The following ANKFN1 variants were observed in gnomAD, a reference collection of about 807,000 sequenced individuals.
ANKFN1 encodes the protein ankyrin repeat and fibronectin type-III domain-containing protein 1.
In ANKFN1, 74 loss-of-function variants were observed where a neutral mutation model predicts 108.7. The ratio of observed to expected loss-of-function variants is 0.68; its 90% CI spans 0.56 to 0.83. The LOEUF (loss-of-function observed/expected upper bound fraction) is 0.83. Among genes scored for constraint, ANKFN1 ranks in the 40% least tolerant of loss-of-function variants. ANKFN1 has a pLI of 0.00. For synonymous variants in ANKFN1, 547 were observed against 516.2 expected (o/e 1.06, Z -0.81); for missense variants, 1,505 against 1,382.3 (o/e 1.09, Z -1.41).
intron 3 of ANKFN1, among the ~76,000 whole-genome samples, chr17:56,301,539 A>G (rs2044669688): frequency 6.6e-6 from 1 of 152,228 alleles, no homozygotes; most frequent in Non-Finnish European, 1.5e-5. Flanking sequence ...GCCAAAAGCT[A>G]GGGGAACACT....
chr17:56,061,265 C>CTTTTTTTTTTTTTTTTTTTTTTTT (rs71137190), intron 4 of ANKFN1, among the ~76,000 whole-genome samples: 1 of 72,912 alleles, frequency 1.4e-5, no homozygotes, highest in Non-Finnish European at 2.4e-5. Flanking sequence ...GGTAGTTTTT[C>CTTTTTTTTTTTTTTTTTTTTTTTT]TTTTTTTTTT....
chr17:56,157,489 G>A (rs960945422), intron 1 of ANKFN1, among the ~76,000 whole-genome samples: 1 of 152,202 alleles, frequency 6.6e-6, no homozygotes, highest in Non-Finnish European at 1.5e-5. Flanking sequence ...TATTCCCAGA[G>A]ACCACAGTTC....
intron 8 of ANKFN1, among the ~76,000 whole-genome samples, chr17:56,388,664 C>T (rs932700569): frequency 1.3e-5 from 2 of 152,102 alleles, no homozygotes; most frequent in African/African-American, 4.8e-5. Flanking sequence ...TCTCTAATTA[C>T]CTTTTTTCTC....
chr17:56,205,888 C>T (rs922138146), intron 1 of ANKFN1, among the ~76,000 whole-genome samples: 2 of 152,146 alleles, frequency 1.3e-5, no homozygotes, highest in Admixed American at 1.3e-4. Flanking sequence ...CCCTCCCCTA[C>T]AGGAGAAGTA....
At chr17:56,079,793 A>G (rs1905223643) in intron 4 of ANKFN1, among the ~76,000 whole-genome samples, 1 of 152,168 alleles carries the variant, frequency 6.6e-6, no homozygotes, top group Non-Finnish European at 1.5e-5. Context: ...CACTGCCTAC[A>G]TGCACAGAAC....
rs201886378 is a variant in ANKFN1 at position 56,318,212 on chromosome 17, G to A, written c.54-8009G>A. ...TACAAAACCAGATGGCCTTGCCAAG[G>A]ATGTAAAAATAGATAATTAATGGTT... On this transcript the variant is annotated intron_variant, in intron 3 of 20. Transcript: ENST00000682825. Among the ~76,000 whole-genome samples the A allele has an allele frequency of 6.0e-4, 92 of 152,146 alleles. 1 individual carries two copies. Among genetic ancestry groups the A allele is most frequent in the East Asian group, 5.0e-3 (26 of 5,172 alleles).
At chr17:56,101,680 G>A (rs1156912919) in intron 4 of ANKFN1, among the ~76,000 whole-genome samples, 1 of 152,188 alleles carries the variant, frequency 6.6e-6, no homozygotes, top group Admixed American at 6.5e-5. Flanking sequence ...TTTGGATCTA[G>A]TCAAATTTGT....
chr17:56,488,744 T>C lies in ANKFN1; in HGVS notation c.2261-3443T>C, dbSNP rs559155067. Among the ~76,000 whole-genome samples, 4 of 152,362 alleles carry C rather than the reference T, an allele frequency of 2.6e-5. No homozygotes were observed. In the South Asian group the frequency reaches 8.3e-4, roughly 32 times the overall value. On this transcript the variant is annotated intron_variant, in intron 18 of 20. Transcript: ENST00000682825. ...ACTAAATGGACCCCAGGAGGTTATC[T>C]TGTTGATTCCTTGGCTTCCAAACTA...
At chr17:56,472,733 T>C (rs2050363008) in intron 15 of ANKFN1, 1 of 152,232 alleles carries the variant, frequency 6.6e-6, no homozygotes. Flanking sequence ...CTGATAGCAG[T>C]ACAAACAGTG....
At chr17:56,168,081 G>A (rs931376826) in intron 1 of ANKFN1, among the ~76,000 whole-genome samples, 5 of 151,970 alleles carry the variant, frequency 3.3e-5, no homozygotes, top group African/African-American at 9.7e-5. Context: ...GGCCTGACCA[G>A]CATGGCAAAA....
chr17:56,308,989 T>C (rs1490064610), intron 3 of ANKFN1, among the ~76,000 whole-genome samples: 1 of 152,240 alleles, frequency 6.6e-6, no homozygotes, highest in Non-Finnish European at 1.5e-5. Flanking sequence ...TTAATGATTT[T>C]TTGCATCTAC....
At chr17:56,377,918 T>G (rs1338961183) in intron 8 of ANKFN1, among the ~76,000 whole-genome samples, 1 of 152,126 alleles carries the variant, frequency 6.6e-6, no homozygotes, top group Non-Finnish European at 1.5e-5. Flanking sequence ...CATGCTGCAG[T>G]AGTTGCTGCA....
chr17:56,053,291 C>T (rs929640768), intron 4 of ANKFN1, among the ~76,000 whole-genome samples: 1 of 152,090 alleles, frequency 6.6e-6, no homozygotes, highest in Admixed American at 6.6e-5. Context: ...TTATCCCCCA[C>T]CCCACCTCAC....
chr17:56,182,654 C>A (rs924414684), intron 1 of ANKFN1, among the ~76,000 whole-genome samples: 1 of 152,190 alleles, frequency 6.6e-6, no homozygotes, highest in African/African-American at 2.4e-5. Context: ...GAAGCTGCAG[C>A]AAGTAATTCT....
intron 1 of ANKFN1, among the ~76,000 whole-genome samples, chr17:56,209,714 G>T (rs568961641): frequency 6.6e-6 from 1 of 152,244 alleles, no homozygotes; most frequent in African/African-American, 2.4e-5. Context: ...GGTGGTGTTT[G>T]GTTATATGAA....
intron 4 of ANKFN1, among the ~76,000 whole-genome samples, chr17:56,333,394 C>A (rs756624920): frequency 4.6e-5 from 7 of 152,010 alleles, no homozygotes; most frequent in African/African-American, 7.2e-5. Context: ...AATCCAATTG[C>A]TTTTTATGAA....
chr17:56,498,122 A>C (rs762867100), intron 19 of ANKFN1, among the ~76,000 whole-genome samples: 7 of 152,156 alleles, frequency 4.6e-5, no homozygotes, highest in Non-Finnish European at 1.0e-4. Context: ...GAACAACCTA[A>C]AATGGACTAC....
chr17:56,428,805 A>G (rs1321323676), intron 8 of ANKFN1, among the ~76,000 whole-genome samples: 2 of 151,662 alleles, frequency 1.3e-5, no homozygotes, highest in Non-Finnish European at 2.9e-5. Flanking sequence ...CAGACTGTAG[A>G]TGAGGTGAAA....
chr17:56,472,716 C>T (rs1186477277), intron 15 of ANKFN1: 1 of 152,154 alleles, frequency 6.6e-6, no homozygotes, highest in African/African-American at 2.4e-5. Context: ...CAGAATTAAA[C>T]CAGAGCCTGA....
Sources: allele counts gnomAD v4.1 joint callset (sites outside exome capture counted in the v4.1 genomes callset), GRCh38; gene constraint gnomAD v4.1.1; transcripts MANE v1.5; gene names NCBI Gene and HGNC (gene_info 2026-07-23, HGNC 2026-07-21).